Variants in VPS50 observed in about 807,000 individuals in gnomAD.
VPS50 encodes VPS50 subunit of EARP/GARPII complex, also known as syndetin.
VPS50 carries 70 observed loss-of-function variants against 139.7 expected under a neutral mutation model. The ratio of observed to expected loss-of-function variants is 0.50; its 90% CI spans 0.41 to 0.61. VPS50 has a LOEUF of 0.61. VPS50 is among the 20% of genes least tolerant of loss of function. The probability of loss-of-function intolerance (pLI) is 0.00; values close to 1 mark genes in which losing one functional copy is unlikely to be tolerated. For missense variants in VPS50, 921 were observed against 1,133.7 expected, an observed-to-expected ratio of 0.81 and a Z score of 2.69; for synonymous variants, 365 against 376.7, an observed-to-expected ratio of 0.97 and a Z score of 0.36.
intron 23 of VPS50, among the ~76,000 whole-genome samples, chr7:93,342,836 C>T (rs1798263595): frequency 6.6e-6 from 1 of 152,194 alleles, no homozygotes; most frequent in Admixed American, 6.5e-5. Context: ...ATCTGTACAT[C>T]ACCATCATCA....
intron 9 of VPS50, among the ~76,000 whole-genome samples, chr7:93,268,095 A>G (rs1795894712): frequency 6.6e-6 from 1 of 152,202 alleles, no homozygotes; most frequent in Non-Finnish European, 1.5e-5. Flanking sequence ...GGTAGAGCCC[A>G]CAGGACTAGA....
rs145238281 is a variant in VPS50 at position 93,317,578 on chromosome 7, A to T, written c.1856-6033A>T. Among the ~76,000 whole-genome samples, 750 of 152,040 alleles carry T rather than the reference A, an allele frequency of 4.9e-3. 2 individuals carry two copies. The highest frequency in any genetic ancestry group is 7.9e-3 in the Non-Finnish European group (536 of 67,968). On this transcript the variant is annotated intron_variant, in intron 20 of 27. Transcript: ENST00000305866. ...TCTCAAATAAACAAACAAACAAAAC[A>T]CCGATTGCTGTCCCCCACTCCCAGA...
chr7:93,254,319 G>C (rs1237102118), intron 4 of VPS50, among the ~76,000 whole-genome samples: 1 of 152,164 alleles, frequency 6.6e-6, no homozygotes, highest in Admixed American at 6.5e-5. Context: ...GCCCAGGCTA[G>C]AGTGCGATTG....
In VPS50 at chr7:93,319,582, TTC is replaced by T. The variant is rs201026541; in HGVS notation, c.1856-4021_1856-4020del. On this transcript the variant is annotated intron_variant, in intron 20 of 27. Coordinates refer to ENST00000305866, the MANE Select transcript of VPS50 (RefSeq NM_017667.4). ...GCATTCTATTCTGTTGCAGATGAAT[TTC>T]TCTCTCTTTGAAAACTTTTAATATT... Among the ~76,000 whole-genome samples the T allele has an allele frequency of 1.1e-3, 163 of 152,308 alleles. 1 individual carries two copies. In the East Asian group the frequency reaches 0.025, roughly 24 times the overall value.
chr7:93,345,076 T>C (rs1325351176), intron 23 of VPS50, among the ~76,000 whole-genome samples: 3 of 152,008 alleles, frequency 2.0e-5, no homozygotes, highest in Admixed American at 2.0e-4. Flanking sequence ...ATTGATAGAC[T>C]GCTAGCAAGA....
At chr7:93,253,369 A>C (rs1334324282) in intron 3 of VPS50, among the ~76,000 whole-genome samples, 1 of 152,220 alleles carries the variant, frequency 6.6e-6, no homozygotes, top group Non-Finnish European at 1.5e-5. Flanking sequence ...TGTCCTCTGA[A>C]AGCTGATGTA....
At chr7:93,291,345 T>C (rs1243242523) in intron 12 of VPS50, among the ~76,000 whole-genome samples, 1 of 152,068 alleles carries the variant, frequency 6.6e-6, no homozygotes, top group Non-Finnish European at 1.5e-5. Flanking sequence ...GTCCAGGCTA[T>C]GTAAAGCTGT....
chr7:93,353,637 T>A lies in VPS50; in HGVS notation c.2464-3T>A. 4 of 1,608,360 alleles carry A rather than the reference T, an allele frequency of 2.5e-6. No individual in the cohort carries two copies. Among genetic ancestry groups the A allele is most frequent in the Non-Finnish European group, 3.4e-6 (4 of 1,178,164 alleles). On this transcript the variant is annotated splice_polypyrimidine_tract_variant and splice_region_variant and intron_variant, in intron 25 of 27. Transcript: ENST00000305866. ...ACAAACAGCTACCTATTTGTCTTCTTAGGAATTTGAGCAGTTTAACAGGAG... is the reference window on the plus strand; with the variant it reads ...ACAAACAGCTACCTATTTGTCTTCTAAGGAATTTGAGCAGTTTAACAGGAG...
At chr7:93,267,431 A>T (rs1795873584) in intron 9 of VPS50, among the ~76,000 whole-genome samples, 1 of 152,182 alleles carries the variant, frequency 6.6e-6, no homozygotes, top group South Asian at 2.1e-4. Context: ...GGTAGAGAAT[A>T]GGGGCTAATG....
intron 15 of VPS50, 115 bp downstream of exon 15, chr7:93,296,951 G>T: frequency 7.0e-7 from 1 of 1,432,976 alleles, no homozygotes. Context: ...AATTTTTGCT[G>T]CTAAGTTTGT....
intron 17 of VPS50, among the ~76,000 whole-genome samples, chr7:93,305,416 T>C (rs1797086834): frequency 6.6e-6 from 1 of 151,962 alleles, no homozygotes. Context: ...GTACAGAATA[T>C]CTTAAGTGGT....
intron 22 of VPS50, among the ~76,000 whole-genome samples, chr7:93,334,669 G>A (rs745523329): frequency 1.3e-5 from 2 of 152,224 alleles, no homozygotes; most frequent in African/African-American, 4.8e-5. Context: ...CTTTATAAAC[G>A]GCTTTGAAAT....
At chr7:93,313,154 T>C (rs1797321193) in intron 20 of VPS50, among the ~76,000 whole-genome samples, 1 of 152,184 alleles carries the variant, frequency 6.6e-6, no homozygotes, top group Non-Finnish European at 1.5e-5. Flanking sequence ...TTATGACTCC[T>C]GAAGCTTCTG....
At chr7:93,269,991 T>C (rs1327117653) in intron 9 of VPS50, among the ~76,000 whole-genome samples, 1 of 152,064 alleles carries the variant, frequency 6.6e-6, no homozygotes. Context: ...CACTTGTTTG[T>C]ACTATTTTAA....
rs1795521294 is a variant in VPS50 at position 93,257,453 on chromosome 7, A to G, written c.411A>G (p.Thr137=). ...TTCAATTAGCTGCTGTTATCTGTAC[A>G]AATGGGAGAAGGTATTGCTTTTGAT... ...TGLQLAAVIC[T]NGRRHLNIAK... is the part of the protein sequence containing the mutation. The change falls in exon 6 of 28, where the codon ACA becomes ACG. Residue 137 remains threonine, a synonymous_variant. Transcript: ENST00000305866. 6.3e-7 allele frequency: 1 copy of G among 1,592,656 alleles called. No individual in the cohort carries two copies. Among genetic ancestry groups the G allele is most frequent in the African/African-American group, 1.3e-5 (1 of 74,386 alleles).
chr7:93,243,981 A>G (rs1015761911), intron 2 of VPS50, among the ~76,000 whole-genome samples: 3 of 151,756 alleles, frequency 2.0e-5, no homozygotes, highest in African/African-American at 7.3e-5. Flanking sequence ...TTCTTTAATG[A>G]TAAGGGGGTT....
chr7:93,350,944 C>T (rs1798539033), intron 25 of VPS50, among the ~76,000 whole-genome samples: 1 of 152,170 alleles, frequency 6.6e-6, no homozygotes, highest in African/African-American at 2.4e-5. Flanking sequence ...ATCTCATTTA[C>T]ACAATCATTC....
chr7:93,350,106 T>TA, intron 25 of VPS50, 73 bp downstream of exon 25: 1 of 1,004,080 alleles, frequency 1.0e-6, no homozygotes, highest in Admixed American at 2.2e-5. Context: ...GCAGTGGCTC[T>TA]AAAATAGTAA....
In VPS50 at chr7:93,256,418, G is replaced by C. The variant is rs892177956; in HGVS notation, c.298-91G>C. 43 of 609,410 alleles carry C rather than the reference G, an allele frequency of 7.1e-5. No individual in the cohort carries two copies. In the Middle Eastern group the frequency reaches 1.3e-3, roughly 18 times the overall value. The allele number at this position is 609,410 out of a possible 1,614,324, so 37.8% of individuals were successfully genotyped here. On this transcript the variant is annotated intron_variant, in intron 4 of 27. Coordinates refer to ENST00000305866, the MANE Select transcript of VPS50 (RefSeq NM_017667.4). ...CCCAAAGTTATTGGGGAGATCTATG[G>C]AATATTCTTTTAAAAATTCAAATAT...
Sources: gnomAD v4.1 joint callset for allele counts (sites outside exome capture counted in the v4.1 genomes callset) on GRCh38, gnomAD v4.1.1 for gene constraint, MANE v1.5 for transcripts, NCBI Gene and HGNC (gene_info 2026-07-23, HGNC 2026-07-21) for gene names.